The following PPP6R1 variants were observed in gnomAD, a reference collection of about 807,000 sequenced individuals.
PPP6R1 encodes serine/threonine-protein phosphatase 6 regulatory subunit 1.
A neutral mutation model predicts 104.6 loss-of-function variants in PPP6R1; 39 were observed. That is an observed-to-expected ratio of 0.37 (90% confidence interval 0.29 to 0.49). The LOEUF (loss-of-function observed/expected upper bound fraction) is 0.49, where lower values mean the gene tolerates loss of function less well. PPP6R1 is among the 20% of genes least tolerant of loss of function. The probability of loss-of-function intolerance (pLI) is 0.98; values close to 1 mark genes in which losing one functional copy is unlikely to be tolerated. For synonymous variants in PPP6R1, 549 were observed against 479.0 expected (o/e 1.15, Z -1.91); for missense variants, 1,181 against 1,155.8 (o/e 1.02, Z -0.32).
chr19:55,240,422 C>T (rs987939328), intron 10 of PPP6R1, 122 bp from the exon 11 acceptor site: 64 of 984,630 alleles, frequency 6.5e-5, no homozygotes, highest in Non-Finnish European at 9.4e-5. Context: ...CATCCAGAGA[C>T]GGGGATGGGA....
In PPP6R1 at chr19:55,230,823, T is replaced by C. The variant is rs374122425; in HGVS notation, c.2521A>G (p.Thr841Ala). 2 of 1,599,388 alleles carry C rather than the reference T, an allele frequency of 1.3e-6. No homozygotes were observed. The highest frequency in any genetic ancestry group is 2.7e-5 in the African/African-American group (2 of 74,238). The part of the protein sequence containing the change: ...ASGAHQPPQT[T>A]EGEKSPEPLG... ...GGCTCTGGGCTCTTCTCCCCTTCTG[T>C]GGTCTGGGGGGGCTGGTGGGCCCCG... Residue 841 changes from threonine (T) to alanine (A), a missense_variant, in exon 22 of 24, where the codon ACA becomes GCA. Physicochemically the swap from Thr to Ala is moderately conservative, Grantham distance 58. Around this residue, in one of 2 missense-constraint regions of PPP6R1, gnomAD observed 1,042 missense variants for 955.6 expected, o/e 1.09. Transcript: ENST00000412770.
chr19:55,241,563 C>A lies in PPP6R1; in HGVS notation c.922G>T (p.Glu308Ter). The change falls in exon 8 of 24, where the codon GAA becomes TAA. Residue 308 changes from glutamate (E) to a stop codon, truncating the protein, a stop_gained. Transcript: ENST00000412770. LOFTEE classifies it high-confidence loss of function. This position sits in a 1 kb window ranked among gnomAD's most constrained non-coding sequence, Gnocchi z 5.4. ...QLELLAQGALESTVSSVGALH... is the reference protein window; with the variant it reads ...QLELLAQGAL ...GCGCCCACACTGGACACAGTGCTTTCCAGGGCCCCCTGGGCCAGGAGCTCC... is the reference window on the plus strand; with the variant it reads ...GCGCCCACACTGGACACAGTGCTTTACAGGGCCCCCTGGGCCAGGAGCTCC... 6.3e-7 allele frequency: 1 copy of A among 1,582,028 alleles called. No individual in the cohort carries two copies. The highest frequency in any genetic ancestry group is 8.6e-7 in the Non-Finnish European group (1 of 1,165,418).
rs1269459149 is a variant in PPP6R1, at chr19:55,230,684, A to G, written c.2571T>C (p.Ser857=). ...PEPLGLPQSQ[S]AQALTPPPIP... ...TCGGAGGAGGCGTGAGGGCCTGGGC[A>G]CTGTCAGGGGAGAGAGGGGATGTGC... Residue 857 remains serine, a splice_region_variant and synonymous_variant, in exon 23 of 24, where the codon AGT becomes AGC. Coordinates refer to ENST00000412770, the MANE Select transcript of PPP6R1 (RefSeq NM_014931.4). 6.3e-7 allele frequency: 1 copy of G among 1,590,806 alleles called. No homozygotes were observed. Among genetic ancestry groups the G allele is most frequent in the Non-Finnish European group, 8.6e-7 (1 of 1,169,540 alleles).
At chr19:55,242,049 C>T in intron 7 of PPP6R1, 117 bp downstream of exon 7, 1 of 955,386 alleles carries the variant, frequency 1.0e-6, no homozygotes, top group Non-Finnish European at 1.6e-6. Context: ...CAGGCAGCCA[C>T]AGAGCAAGGT....
At chr19:55,234,095 A>G (rs573970224) in intron 17 of PPP6R1, among the ~76,000 whole-genome samples, 1 of 152,072 alleles carries the variant, frequency 6.6e-6, no homozygotes, top group Non-Finnish European at 1.5e-5. Context: ...GATTACAGGC[A>G]CCCACCACAG....
chr19:55,250,966 T>A (rs990594995), intron 1 of PPP6R1, among the ~76,000 whole-genome samples: 2 of 152,124 alleles, frequency 1.3e-5, no homozygotes, highest in African/African-American at 4.8e-5. Context: ...ACTCCCTACT[T>A]GCCCTGGCCA....
At position 55,241,410 on chromosome 19, in the gene PPP6R1, C is replaced by T; in HGVS notation, c.1009-19G>A. On this transcript the variant is annotated intron_variant, in intron 8 of 23. Transcript: ENST00000412770. The surrounding 1 kb of genome is among the most constrained non-coding windows in gnomAD (Gnocchi z 5.4). ...GCTCCAGCTGCAGACACAGGGAGGC[C>T]TGATTCCCAAGGGCTGCCCTTCCTG... The T allele has an allele frequency of 6.2e-7, 1 of 1,601,656 alleles. No homozygotes were observed. The highest frequency in any genetic ancestry group is 1.1e-5 in the South Asian group (1 of 90,120).
chr19:55,237,018 G>T, intron 15 of PPP6R1, 48 bp from the exon 16 acceptor site: 1 of 1,526,476 alleles, frequency 6.6e-7, no homozygotes, highest in Non-Finnish European at 9.1e-7. Context: ...TGGGGGTGGG[G>T]GCAGCACAGG....
At chr19:55,234,211 T>C (rs1031264764) in intron 17 of PPP6R1, among the ~76,000 whole-genome samples, 1 of 152,152 alleles carries the variant, frequency 6.6e-6, no homozygotes, top group African/African-American at 2.4e-5. Context: ...CCTCCCAAAG[T>C]GCTGGGATTA....
At position 55,231,815 on chromosome 19, in the gene PPP6R1, C is replaced by T. The variant is rs752697584; in HGVS notation, c.2293G>A (p.Ala765Thr). 20 of 1,500,542 alleles carry T rather than the reference C, an allele frequency of 1.3e-5. No individual in the cohort carries two copies. The Admixed American group carries it at 1.7e-4, about 13-fold the overall frequency. 93.0% of individuals were successfully genotyped at this position (1,500,542 alleles called of 1,614,324 possible). A position where few individuals can be genotyped will look rare whatever the true frequency, so the allele number is the denominator to read the frequency against. Reference protein sequence around the residue: ...QSLASPPARDALQLRSQDPTP... With the variant: ...QSLASPPARDTLQLRSQDPTP... The stretch of plus-strand genomic sequence containing the variant: ...TCCGGTTCTCACCTGAGCTGCAGGG[C>T]GTCACGGGCAGGAGGGCTGGCCAGG... The change falls in exon 19 of 24, where the codon GCC (alanine) becomes ACC (threonine). Residue 765 changes from alanine (A) to threonine (T), a missense_variant. Ala to Thr is a moderately conservative substitution (Grantham distance 58). Around this residue, in one of 2 missense-constraint regions of PPP6R1, gnomAD observed 1,042 missense variants for 955.6 expected, o/e 1.09. Transcript: ENST00000412770.
Position 55,230,663 on chromosome 19 carries a change from A to C in PPP6R1, c.2592T>G (p.Pro864=), listed in dbSNP as rs757094110. Residue 864 remains proline, a synonymous_variant, in exon 23 of 24, where the codon CCT becomes CCG. Coordinates refer to ENST00000412770, the MANE Select transcript of PPP6R1 (RefSeq NM_014931.4). Reference sequence around the variant, plus strand: ...CCGGGGCAGAGCCATTGGGTATCGGAGGAGGCGTGAGGGCCTGGGCACTGT... The same window carrying C: ...CCGGGGCAGAGCCATTGGGTATCGGCGGAGGCGTGAGGGCCTGGGCACTGT... ...QSQSAQALTP[P]PIPNGSAPEG... The C allele has an allele frequency of 1.2e-6, 2 of 1,604,188 alleles. No individual in the cohort carries two copies. Among genetic ancestry groups the C allele is most frequent in the Admixed American group, 1.7e-5 (1 of 58,508 alleles).
chr19:55,248,006 A>G (rs1236026352), intron 1 of PPP6R1, among the ~76,000 whole-genome samples: 3 of 152,204 alleles, frequency 2.0e-5, no homozygotes, highest in Non-Finnish European at 4.4e-5. Flanking sequence ...GCCTGGTTCC[A>G]GCCCCTAAAC....
In PPP6R1 at chr19:55,249,698, G is replaced by A. The variant is rs369528814; in HGVS notation, c.-6-2589C>T. On this transcript the variant is annotated intron_variant, in intron 1 of 23. Coordinates refer to ENST00000412770, the MANE Select transcript of PPP6R1 (RefSeq NM_014931.4). ...TCTACTAAAAATACAAAAATTAGCC[G>A]GGCATGGTGGTGTGTGCCTATAGTC... Among the ~76,000 whole-genome samples, 22 of 152,214 alleles carry A rather than the reference G, an allele frequency of 1.4e-4. No individual in the cohort carries two copies. The East Asian group carries it at 2.5e-3, about 18-fold the overall frequency.
intron 21 of PPP6R1, 65 bp downstream of exon 21, chr19:55,231,345 G>A (rs144821243): frequency 1.5e-5 from 22 of 1,493,294 alleles, no homozygotes; most frequent in Admixed American, 7.8e-5. Flanking sequence ...TGAACCCAGA[G>A]CCCACCTCAG....
At position 55,230,640 on chromosome 19, in the gene PPP6R1, G is replaced by A. The variant is rs200074080; in HGVS notation, c.2615C>T (p.Pro872Leu). The A allele has an allele frequency of 4.3e-5, 70 of 1,610,416 alleles. No homozygotes were observed. Among genetic ancestry groups the A allele is most frequent in the Non-Finnish European group, 5.4e-5 (64 of 1,178,384 alleles). Residue 872 changes from proline to leucine, a missense_variant, in exon 23 of 24, where the codon CCG becomes CTG. Transcript: ENST00000412770. The part of the protein sequence containing the change: ...TPPPIPNGSA[P>L]EGPASPGSQ ...GGAGCCTGGGGATGCAGGCCCTTCC[G>A]GGGCAGAGCCATTGGGTATCGGAGG...
Position 55,230,886 on chromosome 19 carries a change from T to G in PPP6R1, c.2460-2A>C, listed in dbSNP as rs1223747273. 6.2e-7 allele frequency: 1 copy of G among 1,601,364 alleles called. No individual in the cohort carries two copies. On this transcript the variant is annotated splice_acceptor_variant, in intron 21 of 23. Coordinates refer to ENST00000412770, the MANE Select transcript of PPP6R1 (RefSeq NM_014931.4). LOFTEE classifies it high-confidence loss of function. The stretch of plus-strand genomic sequence containing the variant: ...GAGGTAGAGGGGTCTCTGGTTGCAC[T>G]GTGGGTGAGAGGCAGGTGCGGCTGT...
chr19:55,251,790 T>G (rs1268178100), intron 1 of PPP6R1, among the ~76,000 whole-genome samples: 1 of 152,042 alleles, frequency 6.6e-6, no homozygotes, highest in Non-Finnish European at 1.5e-5. Context: ...ACCAGCGTGC[T>G]GAGGGAAGCG....
chr19:55,242,961 CCA>C (rs1378015128), intron 5 of PPP6R1, among the ~76,000 whole-genome samples: 5 of 152,264 alleles, frequency 3.3e-5, no homozygotes, highest in Admixed American at 2.0e-4. Context: ...AAAGACAAAT[CCA>C]CAGAGACAGA....
chr19:55,231,260 C>CA, intron 21 of PPP6R1, 150 bp downstream of exon 21: 1 of 997,692 alleles, frequency 1.0e-6, no homozygotes, highest in Non-Finnish European at 1.5e-6. Context: ...CTACAGAGTG[C>CA]AAGGGGCTGG....
Sources: allele counts gnomAD v4.1 joint callset (sites outside exome capture counted in the v4.1 genomes callset), GRCh38; gene constraint gnomAD v4.1.1; regional missense constraint gnomAD v4.1.1; non-coding constraint Gnocchi (gnomAD v3.1); transcripts MANE v1.5; gene names NCBI Gene and HGNC (gene_info 2026-07-23, HGNC 2026-07-21).